CPD: variants seen among roughly 807,000 people sequenced by gnomAD.
The protein encoded by CPD is carboxypeptidase D.
A neutral mutation model predicts 138.3 loss-of-function variants in CPD; 69 were observed. The observed-to-expected ratio is 0.50, with a 90% CI of 0.41 to 0.61. The LOEUF (loss-of-function observed/expected upper bound fraction) is 0.61. CPD is among the 20% of genes least tolerant of loss of function. The pLI, the probability that CPD is intolerant of heterozygous loss-of-function variation, is 0.00. For synonymous variants in CPD, 651 were observed against 642.1 expected (o/e 1.01, Z -0.21); for missense variants, 1,432 against 1,733.3 (o/e 0.83, Z 3.09).
At chr17:30,430,188 T>G (rs1912523499) in intron 7 of CPD, among the ~76,000 whole-genome samples, 1 of 152,140 alleles carries the variant, frequency 6.6e-6, no homozygotes, top group South Asian at 2.1e-4. Flanking sequence ...CCAGTGGCGT[T>G]TAGTGCATTC....
rs761703378 is a variant in CPD at position 30,385,175 on chromosome 17, A to C, written c.933A>C (p.Gly311=). The change falls in exon 2 of 21, where the codon GGA becomes GGC. Residue 311 remains glycine (G), a synonymous_variant. Coordinates refer to ENST00000225719, the MANE Select transcript of CPD (RefSeq NM_001304.5). The stretch of plus-strand genomic sequence containing the variant: ...AAACTGGTGAGCCTCATTGTCCAGG[A>C]GATGAAGACGAGACTTTCAAAGATG... ...IMKTGEPHCP[G]DEDETFKDGI... The C allele has an allele frequency of 1.2e-6, 2 of 1,614,064 alleles. No individual in the cohort carries two copies. The highest frequency in any genetic ancestry group is 1.7e-6 in the Non-Finnish European group (2 of 1,179,950).
At chr17:30,388,064 A>C (rs1237550880) in intron 2 of CPD, among the ~76,000 whole-genome samples, 1 of 152,132 alleles carries the variant, frequency 6.6e-6, no homozygotes, top group African/African-American at 2.4e-5. Context: ...CATCCTGATG[A>C]GTGTTCAGCT....
chr17:30,401,944 T>C (rs1276167014), intron 2 of CPD, among the ~76,000 whole-genome samples: 1 of 151,948 alleles, frequency 6.6e-6, no homozygotes, highest in Non-Finnish European at 1.5e-5. Context: ...TTTCACTTTT[T>C]TTTTTTTTTT....
At chr17:30,453,093 A>G (rs1240376536) in intron 14 of CPD, among the ~76,000 whole-genome samples, 1 of 152,156 alleles carries the variant, frequency 6.6e-6, no homozygotes, top group African/African-American at 2.4e-5. Flanking sequence ...AAACCATATC[A>G]TTCTGCCACT....
Position 30,440,384 on chromosome 17 carries a change from C to A in CPD, c.2230+1307C>A, listed in dbSNP as rs200403637. ...TGCCTGTTCACTCTGATGGTAGTTTCTTTTGCTGTGCAGAAGCTCTTTAGT... is the reference window on the plus strand; with the variant it reads ...TGCCTGTTCACTCTGATGGTAGTTTATTTTGCTGTGCAGAAGCTCTTTAGT... On this transcript the variant is annotated intron_variant, in intron 9 of 20. Transcript: ENST00000225719. Among the ~76,000 whole-genome samples the A allele has an allele frequency of 3.2e-3, 277 of 87,322 alleles. 9 individuals are homozygous for A. The East Asian group carries it at 0.084, about 27-fold the overall frequency. 57.3% of individuals were successfully genotyped at this position (87,322 alleles called of 152,430 possible).
At chr17:30,394,116 C>CTTTTTTTTTT (rs35779169) in intron 2 of CPD, among the ~76,000 whole-genome samples, 1 of 40,834 alleles carries the variant, frequency 2.4e-5, no homozygotes, top group Non-Finnish European at 4.4e-5. Flanking sequence ...GCACTCCAGC[C>CTTTTTTTTTT]TTTTTTTTTT....
chr17:30,433,438 T>C (rs1912617074), intron 8 of CPD, among the ~76,000 whole-genome samples: 1 of 152,226 alleles, frequency 6.6e-6, no homozygotes, highest in African/African-American at 2.4e-5. Context: ...TTGATTTACC[T>C]TTCTCTGTAG....
Position 30,385,132 on chromosome 17 carries a change from C to T in CPD, c.890C>T (p.Ser297Leu). The T allele has an allele frequency of 6.2e-7, 1 of 1,614,034 alleles. No homozygotes were observed. Among genetic ancestry groups the T allele is most frequent in the Non-Finnish European group, 8.5e-7 (1 of 1,179,970 alleles). The change falls in exon 2 of 21, where the codon TCA (serine) becomes TTA (leucine). Residue 297 changes from serine (S) to leucine (L), a missense_variant. Transcript: ENST00000225719. ...AAATACTTGGCAAAAGCTTATGCTTCAAACCACCCCATAATGAAAACTGGT... is the reference window on the plus strand; with the variant it reads ...AAATACTTGGCAAAAGCTTATGCTTTAAACCACCCCATAATGAAAACTGGT... The part of the protein sequence containing the change: ...VFKYLAKAYA[S>L]NHPIMKTGEP...
At position 30,456,404 on chromosome 17, in the gene CPD, G is replaced by A. The variant is rs371136740; in HGVS notation, c.3433+53G>A. On this transcript the variant is annotated intron_variant, in intron 16 of 20. Coordinates refer to ENST00000225719, the MANE Select transcript of CPD (RefSeq NM_001304.5). ...TGCTGTTGTTGTTGTTGCTTTTGTG[G>A]GGAAAGGAGTTTCACCTTAAGGTCT... The A allele has an allele frequency of 3.5e-5, 56 of 1,610,408 alleles. No individual in the cohort carries two copies. The African/African-American group carries it at 7.1e-4, about 20-fold the overall frequency.
At chr17:30,455,537 T>C in intron 15 of CPD, 67 bp downstream of exon 15, 1 of 1,527,974 alleles carries the variant, frequency 6.5e-7, no homozygotes, top group Non-Finnish European at 8.9e-7. Context: ...TTAAGTAATG[T>C]CCCTTCCACA....
intron 11 of CPD, chr17:30,444,173 G>A (rs1362487374): frequency 4.4e-6 from 2 of 449,842 alleles, no homozygotes; most frequent in Non-Finnish European, 7.9e-6. Flanking sequence ...GATTCCTGGG[G>A]TAAATATTCT....
At chr17:30,383,318 A>T (rs988870452) in intron 1 of CPD, among the ~76,000 whole-genome samples, 2 of 152,204 alleles carry the variant, frequency 1.3e-5, no homozygotes, top group African/African-American at 2.4e-5. Context: ...AATTTTCATG[A>T]CAACTCTGGG....
intron 6 of CPD, among the ~76,000 whole-genome samples, chr17:30,424,307 A>G (rs1912344007): frequency 6.6e-6 from 1 of 152,224 alleles, no homozygotes; most frequent in South Asian, 2.1e-4. Flanking sequence ...TTCACAGAGA[A>G]TAGATTGTAA....
intron 14 of CPD, chr17:30,454,464 T>G (rs958445135): frequency 2.6e-5 from 4 of 152,318 alleles, no homozygotes; most frequent in African/African-American, 9.6e-5. Context: ...AGCCTGGACC[T>G]TATTGGTCAT....
rs931263363 is a variant in CPD at position 30,450,057 on chromosome 17, C to CT, written c.3069+326dup. On this transcript the variant is annotated intron_variant, in intron 13 of 20. Coordinates refer to ENST00000225719, the MANE Select transcript of CPD (RefSeq NM_001304.5). ...TCCAGTCTTTATTCATAGTTCTTTA[C>CT]TTTTTTTTTTTTTTTTTGAGACAGA... Among the ~76,000 whole-genome samples the CT allele has an allele frequency of 8.6e-3, 1,190 of 137,840 alleles. 4 individuals carry two copies. Among genetic ancestry groups the CT allele is most frequent in the African/African-American group, 0.023 (858 of 37,884 alleles). The allele number at this position is 137,840 out of a possible 152,430, so 90.4% of individuals were successfully genotyped here.
chr17:30,394,801 T>C (rs1227844208), intron 2 of CPD, among the ~76,000 whole-genome samples: 5 of 152,160 alleles, frequency 3.3e-5, no homozygotes, highest in Non-Finnish European at 7.3e-5. Context: ...GTCAAAGATA[T>C]GACTTTGAGG....
chr17:30,422,971 A>C lies in CPD; in HGVS notation c.1605A>C (p.Ser535=), dbSNP rs921604151. The C allele has an allele frequency of 1.1e-5, 17 of 1,614,036 alleles. No individual in the cohort carries two copies. The highest frequency in any genetic ancestry group is 1.7e-5 in the Admixed American group (1 of 60,030). ...RLYSLGKSVE[S]RELYVMEISD... is the part of the protein sequence containing the mutation. Reference sequence around the variant, plus strand: ...ATTCCTTGGGAAAATCAGTAGAGTCAAGAGAACTTTATGTGATGGAGATAT... The same window carrying C: ...ATTCCTTGGGAAAATCAGTAGAGTCCAGAGAACTTTATGTGATGGAGATAT... Residue 535 remains serine, a synonymous_variant, in exon 5 of 21, where the codon TCA becomes TCC. Coordinates refer to ENST00000225719, the MANE Select transcript of CPD (RefSeq NM_001304.5).
intron 2 of CPD, among the ~76,000 whole-genome samples, chr17:30,402,940 C>G (rs1911713609): frequency 6.6e-6 from 1 of 151,950 alleles, no homozygotes; most frequent in African/African-American, 2.4e-5. Context: ...AACCCTGTCT[C>G]TACTAAAAAT....
At chr17:30,421,230 C>T (rs547791157) in intron 3 of CPD, among the ~76,000 whole-genome samples, 2 of 152,308 alleles carry the variant, frequency 1.3e-5, no homozygotes, top group South Asian at 2.1e-4. Context: ...TCTTGGAACA[C>T]TTACTTATAC....
Sources: gnomAD v4.1 joint callset for allele counts (sites outside exome capture counted in the v4.1 genomes callset) on GRCh38, gnomAD v4.1.1 for gene constraint, MANE v1.5 for transcripts, NCBI Gene and HGNC (gene_info 2026-07-23, HGNC 2026-07-21) for gene names.